WWOX: variants seen among roughly 807,000 people sequenced by gnomAD.
The protein encoded by WWOX is WW domain containing oxidoreductase.
A neutral mutation model predicts 46.2 loss-of-function variants in WWOX; 69 were observed. The ratio of observed to expected loss-of-function variants is 1.49; its 90% CI spans 1.23 to 1.82. The LOEUF is 1.82. Among genes scored for constraint, WWOX ranks in the 40% most tolerant of loss-of-function variants. WWOX has a pLI of 0.00. For missense variants in WWOX, 919 were observed against 542.6 expected (o/e 1.69, Z -6.89); for synonymous variants, 359 against 202.6 (o/e 1.77, Z -6.56).
At chr16:78,512,205 C>A (rs1404629973) in intron 8 of WWOX, among the ~76,000 whole-genome samples, 3 of 152,036 alleles carry the variant, frequency 2.0e-5, no homozygotes, top group African/African-American at 7.2e-5. Context: ...AAGGAAAAAG[C>A]CATATACATG....
At chr16:79,084,982 G>T (rs747859798) in intron 8 of WWOX, among the ~76,000 whole-genome samples, 3 of 151,910 alleles carry the variant, frequency 2.0e-5, no homozygotes, top group Admixed American at 6.6e-5. Context: ...CTGGAGTGCA[G>T]TGGCACAATT....
At chr16:78,706,726 A>G (rs1047528940) in intron 8 of WWOX, among the ~76,000 whole-genome samples, 7 of 152,192 alleles carry the variant, frequency 4.6e-5, no homozygotes, top group African/African-American at 7.2e-5. Context: ...CTGTGGGTAC[A>G]CATGGTACTG....
intron 8 of WWOX, among the ~76,000 whole-genome samples, chr16:78,822,494 C>G (rs775460587): frequency 6.6e-6 from 1 of 151,778 alleles, no homozygotes; most frequent in Non-Finnish European, 1.5e-5. Flanking sequence ...GACTCTGTCT[C>G]AAAGAAAAAC....
At chr16:78,435,290 C>T (rs1424438856) in intron 8 of WWOX, among the ~76,000 whole-genome samples, 3 of 152,144 alleles carry the variant, frequency 2.0e-5, no homozygotes, top group African/African-American at 7.2e-5. Flanking sequence ...GCCCAACCTC[C>T]ATGCCTAACT....
chr16:79,188,105 C>G (rs1239043445), intron 8 of WWOX, among the ~76,000 whole-genome samples: 2 of 152,166 alleles, frequency 1.3e-5, no homozygotes, highest in Non-Finnish European at 2.9e-5. Flanking sequence ...TGTAGAGTCA[C>G]TTTGATTTTT....
intron 8 of WWOX, among the ~76,000 whole-genome samples, chr16:78,797,738 A>G (rs779408788): frequency 6.6e-6 from 1 of 152,230 alleles, no homozygotes; most frequent in Non-Finnish European, 1.5e-5. Flanking sequence ...CTGTAATCCC[A>G]GCACTTTGGG....
In WWOX at chr16:78,931,093, G is replaced by T. The variant is rs142962018; in HGVS notation, c.1057-280515G>T. ...TTAGTGATGAGCATATGGTAAATAA[G>T]AATTTAATAGATTTTAGTGAAAGCA... On this transcript the variant is annotated intron_variant, in intron 8 of 8. Coordinates refer to ENST00000566780, the MANE Select transcript of WWOX (RefSeq NM_016373.4). Among the ~76,000 whole-genome samples the T allele has an allele frequency of 4.6e-5, 7 of 152,266 alleles. No homozygotes were observed. The East Asian group carries it at 1.4e-3, about 29-fold the overall frequency.
intron 8 of WWOX, among the ~76,000 whole-genome samples, chr16:78,777,330 A>G (rs984651976): frequency 3.7e-4 from 57 of 152,192 alleles, no homozygotes; most frequent in African/African-American, 1.3e-3. Flanking sequence ...GATGTTGTCC[A>G]GGACAGTGGC....
At chr16:78,622,801 A>G (rs558713002) in intron 8 of WWOX, among the ~76,000 whole-genome samples, 1 of 152,216 alleles carries the variant, frequency 6.6e-6, no homozygotes, top group East Asian at 1.9e-4. Context: ...AAGGTCTTAC[A>G]TGAGACAGAT....
intron 6 of WWOX, among the ~76,000 whole-genome samples, chr16:78,410,475 G>C (rs1567555816): frequency 6.6e-6 from 1 of 152,026 alleles, no homozygotes; most frequent in East Asian, 1.9e-4. Context: ...CAGTTTGGCT[G>C]GTTGTTTCTG....
intron 8 of WWOX, among the ~76,000 whole-genome samples, chr16:78,880,216 G>T (rs1567622425): frequency 6.6e-6 from 1 of 152,174 alleles, no homozygotes; most frequent in Non-Finnish European, 1.5e-5. Context: ...TGCTGTATTT[G>T]CAGTTTTCTC....
chr16:78,951,123 A>G (rs2046051116), intron 8 of WWOX, among the ~76,000 whole-genome samples: 1 of 152,228 alleles, frequency 6.6e-6, no homozygotes. Context: ...TAACTTGCTT[A>G]GACCAAAGAT....
chr16:78,991,701 C>G (rs1044115070), intron 8 of WWOX, among the ~76,000 whole-genome samples: 1 of 151,744 alleles, frequency 6.6e-6, no homozygotes, highest in Non-Finnish European at 1.5e-5. Flanking sequence ...TCCTATACAA[C>G]GCAAGCCATA....
intron 8 of WWOX, among the ~76,000 whole-genome samples, chr16:78,748,241 A>T (rs2049396277): frequency 6.6e-6 from 1 of 152,210 alleles, no homozygotes; most frequent in African/African-American, 2.4e-5. Context: ...GAATGAATGA[A>T]TGAACCTTGT....
intron 8 of WWOX, among the ~76,000 whole-genome samples, chr16:78,564,703 C>A (rs1359091544): frequency 6.6e-6 from 1 of 152,194 alleles, no homozygotes; most frequent in African/African-American, 2.4e-5. Flanking sequence ...CACCCTTCTT[C>A]CTGGCTCCAG....
intron 8 of WWOX, among the ~76,000 whole-genome samples, chr16:78,523,938 T>A (rs1567621239): frequency 6.6e-6 from 1 of 152,238 alleles, no homozygotes; most frequent in Admixed American, 6.5e-5. Flanking sequence ...TTTCTGTTTT[T>A]CCTTGTTCTT....
intron 8 of WWOX, among the ~76,000 whole-genome samples, chr16:78,518,695 A>G (rs906038463): frequency 6.6e-6 from 1 of 152,230 alleles, no homozygotes; most frequent in Non-Finnish European, 1.5e-5. Flanking sequence ...GCCACCATGC[A>G]AGGTCCTGGG....
rs143067173 is a variant in WWOX, at chr16:78,164,256, G to C, written c.483G>C (p.Ala161=). ...VILACRNMAR[A]SEAVSRILEE... ...TGGCCTGCAGGAACATGGCAAGGGC[G>C]AGTGAAGCAGTGTCACGCATTTTAG... Residue 161 remains alanine, a synonymous_variant, in exon 5 of 9, where the codon GCG becomes GCC. Coordinates refer to ENST00000566780, the MANE Select transcript of WWOX (RefSeq NM_016373.4). 6.2e-7 allele frequency: 1 copy of C among 1,614,060 alleles called. No homozygotes were observed.
intron 8 of WWOX, among the ~76,000 whole-genome samples, chr16:79,083,170 G>A (rs978146273): frequency 3.3e-5 from 5 of 152,100 alleles, no homozygotes; most frequent in Admixed American, 2.0e-4. Context: ...CTAACACTGC[G>A]GTTCCCCTAC....
Sources: gnomAD v4.1 joint callset for allele counts (sites outside exome capture counted in the v4.1 genomes callset) on GRCh38, gnomAD v4.1.1 for gene constraint, MANE v1.5 for transcripts, NCBI Gene and HGNC (gene_info 2026-07-23, HGNC 2026-07-21) for gene names.